ADAMTS2: variants seen among roughly 807,000 people sequenced by gnomAD.
ADAMTS2 encodes the protein ADAM metallopeptidase with thrombospondin type 1 motif 2, also known as A disintegrin and metalloproteinase with thrombospondin motifs 2.
In ADAMTS2, 50 loss-of-function variants were observed where a neutral mutation model predicts 123.0. The observed-to-expected ratio is 0.41, with a 90% CI of 0.32 to 0.51. The LOEUF (loss-of-function observed/expected upper bound fraction) is 0.51. Among genes scored for constraint, ADAMTS2 ranks in the 20% least tolerant of loss-of-function variants. ADAMTS2 has a pLI of 0.35. For synonymous variants in ADAMTS2, 678 were observed against 695.4 expected (o/e 0.98, Z 0.39); for missense variants, 1,494 against 1,705.2 (o/e 0.88, Z 2.18).
chr5:179,207,088 G>A (rs1011158906), intron 4 of ADAMTS2, among the ~76,000 whole-genome samples: 4 of 152,182 alleles, frequency 2.6e-5, no homozygotes, highest in Non-Finnish European at 5.9e-5. Flanking sequence ...TCCAGCTGGG[G>A]CTGAATAACG....
rs1762569733 is a variant in ADAMTS2, at chr5:179,111,655, G to A, written c.*2212C>T. On this transcript the variant is annotated 3_prime_UTR_variant, in exon 22 of 22. Coordinates refer to ENST00000251582, the MANE Select transcript of ADAMTS2 (RefSeq NM_014244.5). ...GGAAGCCCTGCTCTGCTGAGATCTT[G>A]GAATGGAGTGTTCCCATCCAGAGGC... 2 of 152,394 alleles carry A rather than the reference G, an allele frequency of 1.3e-5. No individual in the cohort carries two copies. Among genetic ancestry groups the A allele is most frequent in the Admixed American group, 1.3e-4 (2 of 15,304 alleles). The allele number at this position is 152,394 out of a possible 1,614,324, so 9.4% of individuals were successfully genotyped here. A position where few individuals can be genotyped will look rare whatever the true frequency, so the allele number is the denominator to read the frequency against.
At chr5:179,125,715 T>C (rs931735892) in intron 18 of ADAMTS2, among the ~76,000 whole-genome samples, 7 of 152,206 alleles carry the variant, frequency 4.6e-5, no homozygotes, top group African/African-American at 1.7e-4. Context: ...ATCTACCCCG[T>C]GGTACAGGGC....
At chr5:179,255,206 GACGGATGACAGATGGATAA>G (rs1179142075) in intron 3 of ADAMTS2, among the ~76,000 whole-genome samples, 2 of 152,174 alleles carry the variant, frequency 1.3e-5, no homozygotes, top group Non-Finnish European at 2.9e-5. Context: ...TGAATGGATG[GACGGATGACAGATGGATAA>G]ATGGATGAAT....
Position 179,154,058 on chromosome 5 carries a change from CG to C in ADAMTS2, c.1372del (p.Arg458AlafsTer31), listed in dbSNP as rs1561780710. ...WSRCSQQELSRYLHSYDCLLD... is the reference protein window; with the variant it reads ...WSRCSQQELSXYLHSYDCLLD... ...CATGGGCAGTACTCACTGCAGGTAGCGGCTCAGCTCCTGCTGGCTGCAGCGG... is the reference window on the plus strand; with the variant it reads ...CATGGGCAGTACTCACTGCAGGTAGCGCTCAGCTCCTGCTGGCTGCAGCGG... On this transcript the variant is annotated frameshift_variant, in exon 8 of 22. Coordinates refer to ENST00000251582, the MANE Select transcript of ADAMTS2 (RefSeq NM_014244.5). LOFTEE classifies it high-confidence loss of function. 6.2e-7 allele frequency: 1 copy of C among 1,602,574 alleles called. No individual in the cohort carries two copies. Among genetic ancestry groups the C allele is most frequent in the East Asian group, 2.2e-5 (1 of 44,642 alleles).
chr5:179,304,895 C>T (rs1252630336), intron 2 of ADAMTS2, among the ~76,000 whole-genome samples: 4 of 152,018 alleles, frequency 2.6e-5, no homozygotes, highest in Non-Finnish European at 4.4e-5. Flanking sequence ...CAATCCCACA[C>T]GTTATAAACA....
chr5:179,239,318 T>G (rs1383243436), intron 3 of ADAMTS2, among the ~76,000 whole-genome samples: 1 of 150,784 alleles, frequency 6.6e-6, no homozygotes, highest in Non-Finnish European at 1.5e-5. Context: ...TTCTCATCAG[T>G]GTGAGAGGAA....
intron 3 of ADAMTS2, among the ~76,000 whole-genome samples, chr5:179,226,961 G>A (rs536259018): frequency 1.1e-3 from 169 of 152,302 alleles, no homozygotes; most frequent in African/African-American, 3.8e-3. Context: ...TGTGGACGAC[G>A]TCCAAGACAT....
rs1412932267 is a variant in ADAMTS2, at chr5:179,170,429, C to T, written c.975+10643G>A. Reference sequence around the variant, plus strand: ...GGACAGCTCAGCCCCCTCCTGACTGCCATCGCCTTGGTTTTGCCATGCTAA... The same window carrying T: ...GGACAGCTCAGCCCCCTCCTGACTGTCATCGCCTTGGTTTTGCCATGCTAA... On this transcript the variant is annotated intron_variant, in intron 5 of 21. Coordinates refer to ENST00000251582, the MANE Select transcript of ADAMTS2 (RefSeq NM_014244.5). This position sits in a 1 kb window ranked among gnomAD's most constrained non-coding sequence, Gnocchi z 4.3. 1.3e-5 allele frequency among the ~76,000 whole-genome samples: 2 copies of T among 152,126 alleles called. No individual in the cohort carries two copies. Among genetic ancestry groups the T allele is most frequent in the Non-Finnish European group, 2.9e-5 (2 of 68,036 alleles).
chr5:179,177,762 AAAAAAGAAAAAG>A (rs1365116377), intron 5 of ADAMTS2, among the ~76,000 whole-genome samples: 1 of 152,198 alleles, frequency 6.6e-6, no homozygotes, highest in African/African-American at 2.4e-5. Context: ...GTTAAGGAAA[AAAAAAGAAAAAG>A]AAAAAGAAAA....
intron 6 of ADAMTS2, among the ~76,000 whole-genome samples, chr5:179,157,778 A>G (rs4701059): frequency 0.17 from 25,542 of 152,148 alleles, 2,509 homozygotes; most frequent in African/African-American, 0.27. Context: ...TCTCCTGCCC[A>G]TTATCTGACT....
At chr5:179,168,568 C>T (rs1268056753) in intron 5 of ADAMTS2, among the ~76,000 whole-genome samples, 1 of 152,238 alleles carries the variant, frequency 6.6e-6, no homozygotes, top group Non-Finnish European at 1.5e-5. Context: ...AGAAGCTCTA[C>T]AAACAGTCAC....
chr5:179,124,369 T>C (rs1316381261), intron 19 of ADAMTS2, among the ~76,000 whole-genome samples: 1 of 152,066 alleles, frequency 6.6e-6, no homozygotes, highest in East Asian at 1.9e-4. Flanking sequence ...ATCCTCATTC[T>C]TCCTCCCAGC....
chr5:179,223,563 C>T (rs1403202692), intron 3 of ADAMTS2, among the ~76,000 whole-genome samples: 1 of 148,038 alleles, frequency 6.8e-6, no homozygotes, highest in Non-Finnish European at 1.5e-5. Flanking sequence ...CTCACACACA[C>T]GCGAATGCAC....
intron 3 of ADAMTS2, among the ~76,000 whole-genome samples, chr5:179,248,904 A>G (rs1765860245): frequency 6.6e-6 from 1 of 152,162 alleles, no homozygotes; most frequent in South Asian, 2.1e-4. Context: ...ACAGACATAC[A>G]TAGAGCACCC....
Position 179,295,636 on chromosome 5 carries a change from C to T in ADAMTS2, c.535-22572G>A, listed in dbSNP as rs115290436. Among the ~76,000 whole-genome samples, 1,181 of 152,314 alleles carry T rather than the reference C, an allele frequency of 7.8e-3. 11 individuals carry two copies. The highest frequency in any genetic ancestry group is 0.027 in the African/African-American group (1,127 of 41,550). On this transcript the variant is annotated intron_variant, in intron 2 of 21. Coordinates refer to ENST00000251582, the MANE Select transcript of ADAMTS2 (RefSeq NM_014244.5). The stretch of plus-strand genomic sequence containing the variant: ...AGCCCAATTTCCACCCTGAAGCACA[C>T]GGGTGAGCCAGTTCCCTGCAACCAC...
intron 3 of ADAMTS2, among the ~76,000 whole-genome samples, chr5:179,268,487 G>A (rs1043751274): frequency 4.6e-5 from 7 of 152,224 alleles, no homozygotes; most frequent in Non-Finnish European, 8.8e-5. Flanking sequence ...TGCTCAACAC[G>A]TGACTCGGGG....
intron 2 of ADAMTS2, among the ~76,000 whole-genome samples, chr5:179,320,073 G>A (rs1757117126): frequency 6.6e-6 from 1 of 152,168 alleles, no homozygotes; most frequent in African/African-American, 2.4e-5. Flanking sequence ...AGAGCCAGCC[G>A]ACTCCCAGGA....
intron 2 of ADAMTS2, among the ~76,000 whole-genome samples, chr5:179,327,194 T>G (rs746682903): frequency 2.4e-4 from 37 of 152,036 alleles, no homozygotes; most frequent in South Asian, 6.2e-4. Context: ...CATCTGTGGG[T>G]GGACATGGCC....
intron 3 of ADAMTS2, among the ~76,000 whole-genome samples, chr5:179,216,754 G>A (rs529068756): frequency 2.0e-5 from 3 of 152,310 alleles, no homozygotes; most frequent in African/African-American, 4.8e-5. Context: ...AATATTAATC[G>A]TCTTTGATAT....
Sources: allele counts gnomAD v4.1 joint callset (sites outside exome capture counted in the v4.1 genomes callset), GRCh38; gene constraint gnomAD v4.1.1; non-coding constraint Gnocchi (gnomAD v3.1); transcripts MANE v1.5; gene names NCBI Gene and HGNC (gene_info 2026-07-23, HGNC 2026-07-21).